Variants in BICDL1 observed in about 807,000 individuals in gnomAD.
BICDL1 encodes the protein BICD family-like cargo adapter 1.
Under a neutral mutation model 76.8 loss-of-function variants are expected in BICDL1, and 20 were observed. The observed-to-expected ratio is 0.26, with a 90% CI of 0.18 to 0.38. The LOEUF is 0.38. Ranked by LOEUF, BICDL1 falls within the 10% of genes least tolerant of loss-of-function variation. BICDL1 has a pLI of 1.00. For missense variants in BICDL1, 700 were observed against 798.6 expected, an observed-to-expected ratio of 0.88 and a Z score of 1.49; for synonymous variants, 383 against 337.1, an observed-to-expected ratio of 1.14 and a Z score of -1.49.
At chr12:120,064,176 C>T (rs1475648148) in intron 3 of BICDL1, among the ~76,000 whole-genome samples, 2 of 152,172 alleles carry the variant, frequency 1.3e-5, no homozygotes, top group African/African-American at 4.8e-5. Context: ...ACTTTGTTTT[C>T]TGTACCCTGG....
chr12:120,015,334 G>T (rs1566216824), intron 2 of BICDL1, among the ~76,000 whole-genome samples: 2 of 152,102 alleles, frequency 1.3e-5, no homozygotes, highest in Non-Finnish European at 2.9e-5. Flanking sequence ...GGCATTCAAA[G>T]CCCTGTACCT....
At chr12:119,998,310 AG>A (rs2138608196) in intron 1 of BICDL1, among the ~76,000 whole-genome samples, 1 of 152,342 alleles carries the variant, frequency 6.6e-6, no homozygotes, top group Admixed American at 6.5e-5. Flanking sequence ...ATTTTCAGTA[AG>A]AATGGCGTTC....
chr12:120,013,936 A>T (rs924283753), intron 2 of BICDL1, among the ~76,000 whole-genome samples: 1 of 152,196 alleles, frequency 6.6e-6, no homozygotes, highest in African/African-American at 2.4e-5. Flanking sequence ...ACAGTTGTTG[A>T]AGGGCAAGGT....
intron 8 of BICDL1, among the ~76,000 whole-genome samples, chr12:120,082,533 C>T (rs1289194053): frequency 6.6e-6 from 1 of 152,090 alleles, no homozygotes; most frequent in East Asian, 1.9e-4. Context: ...GGATTACAGG[C>T]ATGAGCCACT....
At chr12:120,078,774 C>A (rs1437112855) in intron 7 of BICDL1, among the ~76,000 whole-genome samples, 5 of 152,238 alleles carry the variant, frequency 3.3e-5, no homozygotes, top group Admixed American at 3.3e-4. Context: ...TCATCTGGAG[C>A]ATATTAAATG....
At position 120,075,455 on chromosome 12, in the gene BICDL1, G is replaced by A. The variant is rs868006692; in HGVS notation, c.1452+869G>A. Reference sequence around the variant, plus strand: ...CTTGCCCAGGCTGGAGTATAGTGGCGCAGTCACAGCTCATTGCAGCCTTGA... The same window carrying A: ...CTTGCCCAGGCTGGAGTATAGTGGCACAGTCACAGCTCATTGCAGCCTTGA... On this transcript the variant is annotated intron_variant, in intron 7 of 9. Transcript: ENST00000548673. 2.3e-4 allele frequency among the ~76,000 whole-genome samples: 35 copies of A among 150,632 alleles called. 1 individual carries two copies. The highest frequency in any genetic ancestry group is 7.8e-4 in the African/African-American group (32 of 40,804).
At chr12:120,084,470 C>G (rs918179511) in intron 8 of BICDL1, among the ~76,000 whole-genome samples, 1 of 152,218 alleles carries the variant, frequency 6.6e-6, no homozygotes, top group Non-Finnish European at 1.5e-5. Context: ...ACCCTTTTCC[C>G]TTTGCTACAC....
chr12:120,093,378 G>A lies in BICDL1; in HGVS notation c.*217G>A, dbSNP rs992426612. On this transcript the variant is annotated 3_prime_UTR_variant, in exon 10 of 10. Transcript: ENST00000548673. Reference sequence around the variant, plus strand: ...CACTGAAGGCTTCCCTTGGCCCACCGCCTGGCCAAGCCCACGCCTGGGCTT... The same window carrying A: ...CACTGAAGGCTTCCCTTGGCCCACCACCTGGCCAAGCCCACGCCTGGGCTT... 14 of 580,904 alleles carry A rather than the reference G, an allele frequency of 2.4e-5. No individual in the cohort carries two copies. Among genetic ancestry groups the A allele is most frequent in the African/African-American group, 1.1e-4 (6 of 52,766 alleles). The allele number at this position is 580,904 out of a possible 1,614,324, so 36.0% of individuals were successfully genotyped here. A position where few individuals can be genotyped will look rare whatever the true frequency, so the allele number is the denominator to read the frequency against.
intron 2 of BICDL1, among the ~76,000 whole-genome samples, chr12:120,048,495 A>G (rs1365006575): frequency 6.6e-6 from 1 of 152,138 alleles, no homozygotes; most frequent in Non-Finnish European, 1.5e-5. Context: ...GTCTTCCTCA[A>G]ACCTTATAGT....
intron 2 of BICDL1, among the ~76,000 whole-genome samples, chr12:120,025,325 C>T (rs1369384672): frequency 2.6e-5 from 4 of 152,128 alleles, no homozygotes; most frequent in Admixed American, 2.6e-4. Flanking sequence ...GCTGGGATTA[C>T]AGGCGTGAAC....
intron 1 of BICDL1, among the ~76,000 whole-genome samples, chr12:119,991,541 T>A (rs1951523582): frequency 6.6e-6 from 1 of 152,222 alleles, no homozygotes; most frequent in African/African-American, 2.4e-5. Flanking sequence ...ATAGGTAGAC[T>A]GCCAAAAAGC....
rs1344482303 is a variant in BICDL1, at chr12:120,074,461, G to A, written c.1327G>A (p.Asp443Asn). ...MEPTGSRRLD[D>N]DSLEEQIRQT... ...CTGTCAGGGCTCCCGGAGACTTGAT[G>A]ATGACTCCTTAGAAGAACAGATAAG... is the stretch of plus-strand genomic sequence containing the variant. Residue 443 changes from aspartate to asparagine, a missense_variant, in exon 7 of 10, where the codon GAT becomes AAT. Asp to Asn is a conservative substitution (Grantham distance 23, BLOSUM62 1). This residue lies in a region of BICDL1 where 455 missense variants were observed against 548.7 expected (regional missense o/e 0.83). Transcript: ENST00000548673. 3 of 1,235,210 alleles carry A rather than the reference G, an allele frequency of 2.4e-6. No individual in the cohort carries two copies. In the East Asian group the frequency reaches 1.9e-4, roughly 80 times the overall value. The allele number at this position is 1,235,210 out of a possible 1,614,324, so 76.5% of individuals were successfully genotyped here.
chr12:119,997,563 C>T (rs12322236), intron 1 of BICDL1, among the ~76,000 whole-genome samples: 20,253 of 152,144 alleles, frequency 0.13, 1,679 homozygotes, highest in East Asian at 0.41. Context: ...AATTACATTG[C>T]TATATATAGC....
At chr12:119,991,224 C>T (rs1951515866) in intron 1 of BICDL1, among the ~76,000 whole-genome samples, 2 of 152,138 alleles carry the variant, frequency 1.3e-5, no homozygotes, top group Non-Finnish European at 2.9e-5. Flanking sequence ...ATTATTGTTA[C>T]CTAGTTTGGT....
chr12:120,064,749 A>G lies in BICDL1; in HGVS notation c.779A>G (p.Asp260Gly), dbSNP rs1953183205. 6.2e-7 allele frequency: 1 copy of G among 1,611,552 alleles called. No individual in the cohort carries two copies. The highest frequency in any genetic ancestry group is 1.3e-5 in the African/African-American group (1 of 74,818). ...CCCTTTCAGATCAAGATGCTGTCAGATCGGAAACGGGAGCTGGAGCATCGT... is the reference window on the plus strand; with the variant it reads ...CCCTTTCAGATCAAGATGCTGTCAGGTCGGAAACGGGAGCTGGAGCATCGT... ...SLQAEIKMLS[D>G]RKRELEHRLS... The change falls in exon 4 of 10, where the codon GAT becomes GGT. Residue 260 changes from aspartate (D) to glycine (G), a missense_variant. Asp to Gly is a moderately conservative substitution (Grantham distance 94). Coordinates refer to ENST00000548673, the MANE Select transcript of BICDL1 (RefSeq NM_001367886.1).
chr12:120,093,099 CG>C lies in BICDL1; in HGVS notation c.1810del (p.Asp604MetfsTer57), dbSNP rs755289629. On this transcript the variant is annotated frameshift_variant, in exon 10 of 10. Coordinates refer to ENST00000548673, the MANE Select transcript of BICDL1 (RefSeq NM_001367886.1). LOFTEE classifies it high-confidence loss of function. ...CCTCTGCAGGGGCCACAGCGCTGGGCGGGGGGATGAGCCCAGCATCGCTGAA... is the reference window on the plus strand; with the variant it reads ...CCTCTGCAGGGGCCACAGCGCTGGGCGGGGGATGAGCCCAGCATCGCTGAA... ...AALCRGHSAGRGDEPSIAEGK... is the reference protein window; with the variant it reads ...AALCRGHSAGXGDEPSIAEGK... 4 of 1,437,956 alleles carry C rather than the reference CG, an allele frequency of 2.8e-6. No individual in the cohort carries two copies. The highest frequency in any genetic ancestry group is 1.8e-5 in the Admixed American group (1 of 55,436). 89.1% of individuals were successfully genotyped at this position (1,437,956 alleles called of 1,614,324 possible).
In BICDL1 at chr12:120,071,594, C is replaced by G; in HGVS notation, c.910-28C>G. 5.7e-6 allele frequency: 9 copies of G among 1,580,312 alleles called. No homozygotes were observed. Among genetic ancestry groups the G allele is most frequent in the Non-Finnish European group, 7.7e-6 (9 of 1,162,644 alleles). On this transcript the variant is annotated intron_variant, in intron 4 of 9. Coordinates refer to ENST00000548673, the MANE Select transcript of BICDL1 (RefSeq NM_001367886.1). The surrounding 1 kb of genome is among the most constrained non-coding windows in gnomAD (Gnocchi z 4.8). The stretch of plus-strand genomic sequence containing the variant: ...TGTCTTGGTTTTTGTGTTTGGTAAA[C>G]CTCAACCATTTGCTCTTTCTTTGAA...
intron 2 of BICDL1, among the ~76,000 whole-genome samples, chr12:120,030,932 A>G (rs1179324625): frequency 1.3e-5 from 2 of 152,134 alleles, no homozygotes; most frequent in African/African-American, 4.8e-5. Flanking sequence ...CTTGGACTTG[A>G]CCAAATTTCA....
chr12:120,028,243 A>G (rs1317184340), intron 2 of BICDL1, among the ~76,000 whole-genome samples: 3 of 151,880 alleles, frequency 2.0e-5, no homozygotes, highest in African/African-American at 7.3e-5. Flanking sequence ...TCCAAGTTTC[A>G]TTTTTACTCG....
Sources: gnomAD v4.1 joint callset for allele counts (sites outside exome capture counted in the v4.1 genomes callset) on GRCh38, gnomAD v4.1.1 for gene constraint, gnomAD v4.1.1 regional missense constraint, Gnocchi (gnomAD v3.1) non-coding constraint, MANE v1.5 for transcripts, NCBI Gene and HGNC (gene_info 2026-07-23, HGNC 2026-07-21) for gene names.